Variants in GPC5 observed in about 807,000 individuals in gnomAD.
The protein encoded by GPC5 is glypican 5, also known as glypican-5.
Under a neutral mutation model 53.9 loss-of-function variants are expected in GPC5, and 47 were observed. That is an observed-to-expected ratio of 0.87 (90% CI 0.69 to 1.11). The LOEUF (loss-of-function observed/expected upper bound fraction) is 1.11. Ranked by LOEUF, GPC5 falls within the 50% of genes most tolerant of loss-of-function variation. The pLI, the probability that GPC5 is intolerant of heterozygous loss-of-function variation, is 0.00. For missense variants in GPC5, 748 were observed against 713.1 expected, an observed-to-expected ratio of 1.05 and a Z score of -0.56; for synonymous variants, 286 against 263.3, an observed-to-expected ratio of 1.09 and a Z score of -0.84.
At chr13:92,549,559 T>A (rs925518831) in intron 7 of GPC5, among the ~76,000 whole-genome samples, 3 of 152,028 alleles carry the variant, frequency 2.0e-5, no homozygotes, top group Non-Finnish European at 4.4e-5. Flanking sequence ...TCATGCCACA[T>A]CCTGGCATTG....
intron 7 of GPC5, among the ~76,000 whole-genome samples, chr13:92,787,172 A>G (rs571565209): frequency 1.3e-5 from 2 of 152,146 alleles, no homozygotes; most frequent in Non-Finnish European, 2.9e-5. Flanking sequence ...AAGGAAAACT[A>G]AAAGTAAGTA....
chr13:92,405,293 C>G (rs1400611753), intron 7 of GPC5, among the ~76,000 whole-genome samples: 2 of 152,112 alleles, frequency 1.3e-5, no homozygotes, highest in Admixed American at 6.5e-5. Context: ...CACCAATTAA[C>G]TTAAAGTGCA....
At chr13:92,813,210 T>A (rs1253512100) in intron 7 of GPC5, among the ~76,000 whole-genome samples, 1 of 151,806 alleles carries the variant, frequency 6.6e-6, no homozygotes, top group Non-Finnish European at 1.5e-5. Context: ...CAGAAACGAG[T>A]CTCCTGATCC....
intron 5 of GPC5, among the ~76,000 whole-genome samples, chr13:91,816,492 G>A (rs530736293): frequency 2.0e-5 from 3 of 152,168 alleles, no homozygotes; most frequent in Non-Finnish European, 4.4e-5. Flanking sequence ...AAGAAAGGAC[G>A]AATTCACCCA....
chr13:92,106,500 T>A (rs1487617611), intron 6 of GPC5, among the ~76,000 whole-genome samples: 1 of 152,090 alleles, frequency 6.6e-6, no homozygotes, highest in Non-Finnish European at 1.5e-5. Flanking sequence ...GAAACATGCT[T>A]AAGACAATTT....
At chr13:91,929,358 G>C (rs74106203) in intron 6 of GPC5, among the ~76,000 whole-genome samples, 2,567 of 151,788 alleles carry the variant, frequency 0.017, 64 homozygotes, top group African/African-American at 0.059. Context: ...ATTTTGGCAG[G>C]GTTTTCTTAG....
chr13:92,040,104 T>C (rs1237728235), intron 6 of GPC5, among the ~76,000 whole-genome samples: 2 of 152,216 alleles, frequency 1.3e-5, no homozygotes, highest in Admixed American at 6.5e-5. Flanking sequence ...AGCCTCTTAG[T>C]TCCATAATAC....
chr13:91,797,995 G>A (rs2038074096), intron 5 of GPC5, among the ~76,000 whole-genome samples: 1 of 152,148 alleles, frequency 6.6e-6, no homozygotes, highest in African/African-American at 2.4e-5. Context: ...ACAGGTTAGG[G>A]AGATTATCTT....
intron 5 of GPC5, among the ~76,000 whole-genome samples, chr13:91,883,769 AT>A (rs1168297257): frequency 1.3e-5 from 2 of 151,970 alleles, no homozygotes; most frequent in South Asian, 2.1e-4. Context: ...CCATTGAAAG[AT>A]TTTTTTTATT....
chr13:91,491,069 T>G (rs917210395), intron 2 of GPC5, among the ~76,000 whole-genome samples: 1 of 152,314 alleles, frequency 6.6e-6, no homozygotes, highest in South Asian at 2.1e-4. Flanking sequence ...TTAATTTAAC[T>G]TCTGCTTCTC....
chr13:91,937,633 A>G (rs902244426), intron 6 of GPC5, among the ~76,000 whole-genome samples: 2 of 152,086 alleles, frequency 1.3e-5, no homozygotes, highest in African/African-American at 4.8e-5. Context: ...GCTTGTTTTG[A>G]AAGATACATT....
intron 6 of GPC5, among the ~76,000 whole-genome samples, chr13:92,113,187 T>A (rs1486535124): frequency 6.6e-6 from 1 of 152,152 alleles, no homozygotes; most frequent in Non-Finnish European, 1.5e-5. Flanking sequence ...AGAAAAGAAT[T>A]TTTTTGTCTC....
intron 7 of GPC5, among the ~76,000 whole-genome samples, chr13:92,697,053 C>A (rs558505828): frequency 6.6e-6 from 1 of 151,634 alleles, no homozygotes; most frequent in Non-Finnish European, 1.5e-5. Flanking sequence ...TTCCATTGGT[C>A]TATATATCTG....
rs2040368049 is a variant in GPC5, at chr13:91,982,461, TAAA to T, written c.1401+74408_1401+74410del. On this transcript the variant is annotated intron_variant, in intron 6 of 7. Transcript: ENST00000377067. The stretch of plus-strand genomic sequence containing the variant: ...ATGTATGTATAATGAAACAAAATAA[TAAA>T]AAAGCTATGTTGTTGAGTGAAAAAA... Among the ~76,000 whole-genome samples the T allele has an allele frequency of 6.9e-5, 10 of 145,604 alleles. No homozygotes were observed. The South Asian group carries it at 2.3e-3, about 33-fold the overall frequency.
At chr13:91,399,304 T>C in intron 1 of GPC5, 95 bp downstream of exon 1, 1 of 1,413,650 alleles carries the variant, frequency 7.1e-7, no homozygotes, top group Non-Finnish European at 9.5e-7. Flanking sequence ...GAAGATGACC[T>C]TTCGGGCCCT....
chr13:91,587,104 A>T (rs2032625492), intron 2 of GPC5, among the ~76,000 whole-genome samples: 1 of 152,112 alleles, frequency 6.6e-6, no homozygotes, highest in Admixed American at 6.6e-5. Flanking sequence ...AGTTATTGGT[A>T]ACTCCATTGT....
At chr13:92,143,130 T>C (rs1339165674) in intron 6 of GPC5, among the ~76,000 whole-genome samples, 1 of 152,136 alleles carries the variant, frequency 6.6e-6, no homozygotes, top group Non-Finnish European at 1.5e-5. Context: ...ATTATAGATT[T>C]GAGGAAACTG....
At chr13:92,321,859 A>G (rs534610020) in intron 7 of GPC5, among the ~76,000 whole-genome samples, 59 of 152,302 alleles carry the variant, frequency 3.9e-4, no homozygotes, top group Middle Eastern at 3.4e-3. Flanking sequence ...TTGCTGGTCC[A>G]CTTTCTTTGA....
At chr13:92,349,990 A>G (rs938434180) in intron 7 of GPC5, among the ~76,000 whole-genome samples, 6 of 152,296 alleles carry the variant, frequency 3.9e-5, no homozygotes, top group African/African-American at 1.4e-4. Flanking sequence ...CCTCCATTAT[A>G]TTCTAGCAAG....
Sources: gnomAD v4.1 joint callset for allele counts (sites outside exome capture counted in the v4.1 genomes callset) on GRCh38, gnomAD v4.1.1 for gene constraint, MANE v1.5 for transcripts, NCBI Gene and HGNC (gene_info 2026-07-23, HGNC 2026-07-21) for gene names.